Variants in KDM2A observed in about 807,000 individuals in gnomAD.
KDM2A encodes the protein lysine-specific demethylase 2A.
Under a neutral mutation model 137.3 loss-of-function variants are expected in KDM2A, and 3 were observed. That is an observed-to-expected ratio of 0.02 (90% CI 0.01 to 0.06). The LOEUF (loss-of-function observed/expected upper bound fraction) is 0.06. Ranked by LOEUF, KDM2A falls within the 10% of genes least tolerant of loss-of-function variation. The pLI, the probability that KDM2A is intolerant of heterozygous loss-of-function variation, is 1.00. For synonymous variants in KDM2A, 512 were observed against 541.5 expected, an observed-to-expected ratio of 0.95 and a Z score of 0.76; for missense variants, 738 against 1,510.6, an observed-to-expected ratio of 0.49 and a Z score of 8.48.
rs554564456 is a variant in KDM2A at position 67,255,670 on chromosome 11, C to T, written c.*615C>T. 16 of 423,842 alleles carry T rather than the reference C, an allele frequency of 3.8e-5. No homozygotes were observed. Among genetic ancestry groups the T allele is most frequent in the Non-Finnish European group, 4.3e-5 (9 of 208,722 alleles). 26.3% of individuals were successfully genotyped at this position (423,842 alleles called of 1,614,324 possible). ...CTTGAGCTTGGTTCTGCCCAGCACT[C>T]GTGCTTGTTCACATAATTAGGTTTC... On this transcript the variant is annotated 3_prime_UTR_variant, in exon 21 of 21. Transcript: ENST00000529006.
chr11:67,220,886 C>G (rs1012096285), intron 10 of KDM2A, among the ~76,000 whole-genome samples: 1 of 151,874 alleles, frequency 6.6e-6, no homozygotes, highest in Admixed American at 6.6e-5. Context: ...TTTTTTTCAA[C>G]CATTAAAAAA....
chr11:67,202,752 G>A (rs2136372312), intron 5 of KDM2A, among the ~76,000 whole-genome samples: 1 of 151,048 alleles, frequency 6.6e-6, no homozygotes, highest in East Asian at 1.9e-4. Context: ...CTCCAGCCTG[G>A]GCGACAGAGC....
At chr11:67,224,954 G>T (rs1428594771) in intron 10 of KDM2A, among the ~76,000 whole-genome samples, 1 of 142,172 alleles carries the variant, frequency 7.0e-6, no homozygotes, top group Non-Finnish European at 1.5e-5. Context: ...CAATTCTCCT[G>T]CCCAGGCATC....
At chr11:67,252,548 C>T in intron 17 of KDM2A, 146 bp from the exon 18 acceptor site, 3 of 907,680 alleles carry the variant, frequency 3.3e-6, no homozygotes, top group Non-Finnish European at 3.5e-6. Context: ...TTCTGTGAGG[C>T]AAAAAATGAT....
chr11:67,201,955 TA>T (rs949636756), intron 5 of KDM2A, among the ~76,000 whole-genome samples: 1 of 151,360 alleles, frequency 6.6e-6, no homozygotes, highest in Non-Finnish European at 1.5e-5. Flanking sequence ...ACCCTGTCTC[TA>T]AAAAAAATAA....
rs769465973 is a variant in KDM2A, at chr11:67,250,568, G to T, written c.2538G>T (p.Gln846His). The part of the protein sequence containing the change: ...LVQHCPARTP[Q>H]RGDEEGLGGE... ...AGCACTGCCCAGCCCGAACCCCCCA[G>T]CGTGGGGATGAGGAGGGGCTGGGGG... The change falls in exon 17 of 21, where the codon CAG becomes CAT. Residue 846 changes from glutamine to histidine, a missense_variant. This residue lies in a region of KDM2A where 244 missense variants were observed against 324.6 expected (regional missense o/e 0.75). Transcript: ENST00000529006. This position sits in a 1 kb window ranked among gnomAD's most constrained non-coding sequence, Gnocchi z 7.1. 7 of 1,613,660 alleles carry T rather than the reference G, an allele frequency of 4.3e-6. No homozygotes were observed. The highest frequency in any genetic ancestry group is 5.9e-6 in the Non-Finnish European group (7 of 1,179,732).
chr11:67,161,125 G>A (rs192864524), intron 2 of KDM2A, among the ~76,000 whole-genome samples: 2 of 152,310 alleles, frequency 1.3e-5, no homozygotes, highest in Admixed American at 1.3e-4. Flanking sequence ...ACTTTGGGAG[G>A]CCAAGTTGGG....
chr11:67,134,949 T>A (rs141075858), intron 2 of KDM2A, among the ~76,000 whole-genome samples: 1 of 152,320 alleles, frequency 6.6e-6, no homozygotes, highest in East Asian at 1.9e-4. Context: ...ATGACAATCC[T>A]CAACCCAGTT....
chr11:67,220,169 A>G (rs1565410549), intron 10 of KDM2A, among the ~76,000 whole-genome samples: 4 of 151,958 alleles, frequency 2.6e-5, no homozygotes. Flanking sequence ...ACGCCACCAC[A>G]TGCAGCTAAT....
chr11:67,194,723 A>G (rs1857438062), intron 5 of KDM2A, among the ~76,000 whole-genome samples: 2 of 152,238 alleles, frequency 1.3e-5, no homozygotes, highest in South Asian at 2.1e-4. Flanking sequence ...GGAAGGAGGT[A>G]CAAGGATAGA....
At chr11:67,172,616 T>TTTTG (rs904233755) in intron 2 of KDM2A, among the ~76,000 whole-genome samples, 1 of 146,422 alleles carries the variant, frequency 6.8e-6, no homozygotes, top group African/African-American at 2.5e-5. Context: ...GCTCTTATAG[T>TTTTG]TGTGTGTGTG....
At chr11:67,153,301 A>G (rs1007705755) in intron 2 of KDM2A, among the ~76,000 whole-genome samples, 5 of 152,028 alleles carry the variant, frequency 3.3e-5, no homozygotes, top group African/African-American at 1.2e-4. Flanking sequence ...CTTAATATGC[A>G]TGTTTACAAG....
At position 67,119,613 on chromosome 11, in the gene KDM2A, C is replaced by A. The variant is rs1855550914; in HGVS notation, c.-520C>A. On this transcript the variant is annotated 5_prime_UTR_variant, in exon 1 of 21. Coordinates refer to ENST00000529006, the MANE Select transcript of KDM2A (RefSeq NM_012308.3). ...CCCTGTCCGCCCCCCGGGGCCGGGG[C>A]CCGCGTTCCGGGGGGCCGGGGCGGC... is the stretch of plus-strand genomic sequence containing the variant. 1.3e-5 allele frequency: 2 copies of A among 149,632 alleles called. No homozygotes were observed. The highest frequency in any genetic ancestry group is 4.1e-4 in the South Asian group (2 of 4,832). The allele number at this position is 149,632 out of a possible 1,614,324, so 9.3% of individuals were successfully genotyped here. A position where few individuals can be genotyped will look rare whatever the true frequency, so the allele number is the denominator to read the frequency against.
chr11:67,122,148 C>A (rs924489638), intron 2 of KDM2A, among the ~76,000 whole-genome samples: 3 of 152,036 alleles, frequency 2.0e-5, no homozygotes, highest in Admixed American at 2.0e-4. Context: ...ATGAGGAAAG[C>A]GACAGAATTG....
chr11:67,212,213 G>A (rs1007449873), intron 6 of KDM2A, among the ~76,000 whole-genome samples: 3 of 152,290 alleles, frequency 2.0e-5, no homozygotes, highest in Non-Finnish European at 4.4e-5. Flanking sequence ...AGGAGAATTA[G>A]GGGAAGCTCT....
rs530711133 is a variant in KDM2A at position 67,220,986 on chromosome 11, A to G, written c.957+1583A>G. Among the ~76,000 whole-genome samples the G allele has an allele frequency of 2.6e-5, 4 of 151,640 alleles. No homozygotes were observed. The East Asian group carries it at 5.8e-4, about 22-fold the overall frequency. On this transcript the variant is annotated intron_variant, in intron 10 of 20. Coordinates refer to ENST00000529006, the MANE Select transcript of KDM2A (RefSeq NM_012308.3). Reference sequence around the variant, plus strand: ...GATGCCACCCTTGAACCTTGTTACTATTAATACGTCAGCACATTACCTGTC... The same window carrying G: ...GATGCCACCCTTGAACCTTGTTACTGTTAATACGTCAGCACATTACCTGTC...
intron 13 of KDM2A, among the ~76,000 whole-genome samples, chr11:67,244,299 C>G (rs1859138703): frequency 6.6e-6 from 1 of 152,176 alleles, no homozygotes; most frequent in Non-Finnish European, 1.5e-5. Flanking sequence ...AATGCAAATG[C>G]TAAGAAATGT....
At chr11:67,218,533 T>C (rs1046297982) in intron 9 of KDM2A, among the ~76,000 whole-genome samples, 1 of 152,104 alleles carries the variant, frequency 6.6e-6, no homozygotes, top group African/African-American at 2.4e-5. Context: ...CTTAAAACAT[T>C]ATGAGATTTT....
chr11:67,225,942 G>A (rs1858528587), intron 10 of KDM2A, among the ~76,000 whole-genome samples: 1 of 152,096 alleles, frequency 6.6e-6, no homozygotes, highest in South Asian at 2.1e-4. Context: ...GTGCACACCT[G>A]TAATCCCAGC....
Sources: gnomAD v4.1 joint callset for allele counts (sites outside exome capture counted in the v4.1 genomes callset) on GRCh38, gnomAD v4.1.1 for gene constraint, gnomAD v4.1.1 regional missense constraint, Gnocchi (gnomAD v3.1) non-coding constraint, MANE v1.5 for transcripts, NCBI Gene and HGNC (gene_info 2026-07-23, HGNC 2026-07-21) for gene names.